UBAC2: variants seen among roughly 807,000 people sequenced by gnomAD.
UBAC2 encodes ubiquitin-associated domain-containing protein 2.
UBAC2 carries 26 observed loss-of-function variants against 44.0 expected under a neutral mutation model. That is an observed-to-expected ratio of 0.59 (90% CI 0.43 to 0.82). UBAC2 has a LOEUF of 0.82. Ranked by LOEUF, UBAC2 falls within the 40% of genes least tolerant of loss-of-function variation. The pLI, the probability that UBAC2 is intolerant of heterozygous loss-of-function variation, is 0.00. For synonymous variants in UBAC2, 155 were observed against 154.3 expected, an observed-to-expected ratio of 1.00 and a Z score of -0.04; for missense variants, 329 against 419.4, an observed-to-expected ratio of 0.78 and a Z score of 1.88.
chr13:99,292,046 C>T (rs1028208728), intron 4 of UBAC2, among the ~76,000 whole-genome samples: 1 of 152,012 alleles, frequency 6.6e-6, no homozygotes, highest in African/African-American at 2.4e-5. Context: ...ATAAAGCAGT[C>T]GAGGCTTCTA....
At chr13:99,204,012 A>C (rs2042837995) in intron 1 of UBAC2, among the ~76,000 whole-genome samples, 1 of 152,214 alleles carries the variant, frequency 6.6e-6, no homozygotes, top group South Asian at 2.1e-4. Flanking sequence ...TAGGTTCCTT[A>C]CTTGTAGACC....
intron 8 of UBAC2, 112 bp from the exon 9 acceptor site, chr13:99,385,116 T>G (rs1277537501): frequency 6.4e-6 from 5 of 777,414 alleles, no homozygotes; most frequent in Non-Finnish European, 1.1e-5. Context: ...AAATTGGTTT[T>G]TTTGTAAACA....
At chr13:99,243,233 C>CTTTTTTTTTTTTTT (rs773750160) in intron 2 of UBAC2, among the ~76,000 whole-genome samples, 2 of 94,254 alleles carry the variant, frequency 2.1e-5, no homozygotes, top group African/African-American at 4.2e-5. Flanking sequence ...TTGAGTAGCT[C>CTTTTTTTTTTTTTT]TTTTTTTTTT....
rs898983542 is a variant in UBAC2 at position 99,283,799 on chromosome 13, A to G, written c.390-30298A>G. 3.1e-5 allele frequency among the ~76,000 whole-genome samples: 4 copies of G among 127,078 alleles called. 1 individual carries two copies. In the Admixed American group the frequency reaches 4.5e-4, roughly 14 times the overall value. The allele number at this position is 127,078 out of a possible 152,430, so 83.4% of individuals were successfully genotyped here. The stretch of plus-strand genomic sequence containing the variant: ...ACCCAGGCCAGAGTGCAGTGGTGCT[A>G]TCTCGGCTCACTGCAGCCTCTGCCT... On this transcript the variant is annotated intron_variant, in intron 4 of 8. Coordinates refer to ENST00000403766, the MANE Select transcript of UBAC2 (RefSeq NM_001144072.2).
intron 8 of UBAC2, 34 bp downstream of exon 8, chr13:99,367,940 A>G: frequency 6.3e-7 from 1 of 1,598,044 alleles, no homozygotes; most frequent in Non-Finnish European, 8.5e-7. Context: ...ACTCATTCTA[A>G]ATCCATGTTT....
chr13:99,269,287 A>T (rs551447795), intron 4 of UBAC2, among the ~76,000 whole-genome samples: 1 of 152,228 alleles, frequency 6.6e-6, no homozygotes, highest in East Asian at 1.9e-4. Flanking sequence ...CTTTATTGTG[A>T]GATTCATAAG....
chr13:99,305,731 A>G (rs2044323165), intron 4 of UBAC2, among the ~76,000 whole-genome samples: 1 of 152,210 alleles, frequency 6.6e-6, no homozygotes, highest in Non-Finnish European at 1.5e-5. Flanking sequence ...ATACATAAAC[A>G]TGTGAGTGAA....
intron 1 of UBAC2, among the ~76,000 whole-genome samples, chr13:99,210,759 G>C (rs1462914451): frequency 6.6e-6 from 1 of 152,096 alleles, no homozygotes; most frequent in Non-Finnish European, 1.5e-5. Flanking sequence ...TTACAGGCTT[G>C]AACCACCACG....
intron 1 of UBAC2, among the ~76,000 whole-genome samples, chr13:99,206,867 C>A (rs2042878734): frequency 6.6e-6 from 1 of 152,246 alleles, no homozygotes; most frequent in Non-Finnish European, 1.5e-5. Flanking sequence ...AAATCGGGGC[C>A]ATCACCTGGG....
intron 8 of UBAC2, among the ~76,000 whole-genome samples, chr13:99,375,306 A>C (rs2045464949): frequency 6.8e-6 from 1 of 146,230 alleles, no homozygotes; most frequent in African/African-American, 2.5e-5. Context: ...AGTTCTCCCA[A>C]GGAAGAGAGT....
chr13:99,329,060 G>A (rs2044678471), intron 6 of UBAC2, among the ~76,000 whole-genome samples: 1 of 152,152 alleles, frequency 6.6e-6, no homozygotes, highest in South Asian at 2.1e-4. Context: ...TTATTGAAAA[G>A]ACCCTTTTCT....
At chr13:99,202,730 G>C (rs1210884986) in intron 1 of UBAC2, among the ~76,000 whole-genome samples, 1 of 152,186 alleles carries the variant, frequency 6.6e-6, no homozygotes, top group Non-Finnish European at 1.5e-5. Flanking sequence ...GTCTTGGCCT[G>C]TTTCTAAAAT....
intron 4 of UBAC2, among the ~76,000 whole-genome samples, chr13:99,258,866 A>G (rs1402691658): frequency 6.6e-6 from 1 of 152,190 alleles, no homozygotes; most frequent in Non-Finnish European, 1.5e-5. Context: ...AAATCATAGA[A>G]TATCCACATT....
chr13:99,373,580 G>A (rs1212042134), intron 8 of UBAC2, among the ~76,000 whole-genome samples: 1 of 152,212 alleles, frequency 6.6e-6, no homozygotes, highest in Non-Finnish European at 1.5e-5. Context: ...CAGGGAAACA[G>A]GTGGACAAAG....
intron 4 of UBAC2, among the ~76,000 whole-genome samples, chr13:99,268,632 AAAG>A (rs71203425): frequency 2.8e-4 from 40 of 141,656 alleles, no homozygotes; most frequent in African/African-American, 9.7e-4. Context: ...AAAAAAAAAA[AAAG>A]AAACACAAAA....
intron 6 of UBAC2, among the ~76,000 whole-genome samples, chr13:99,334,632 T>C (rs935224722): frequency 1.3e-5 from 2 of 151,794 alleles, no homozygotes; most frequent in African/African-American, 4.8e-5. Flanking sequence ...AGGGCAAATA[T>C]GAGGGGGAAA....
chr13:99,315,124 C>T (rs1048127872), intron 5 of UBAC2, among the ~76,000 whole-genome samples: 3 of 152,132 alleles, frequency 2.0e-5, no homozygotes, highest in Non-Finnish European at 2.9e-5. Context: ...TCATCTGGGG[C>T]GTTTTCTTAC....
At chr13:99,232,602 A>G (rs1015257152) in intron 1 of UBAC2, among the ~76,000 whole-genome samples, 3 of 152,036 alleles carry the variant, frequency 2.0e-5, no homozygotes, top group Non-Finnish European at 2.9e-5. Context: ...TAAGAGAGAA[A>G]CGACAGAAAT....
intron 1 of UBAC2, among the ~76,000 whole-genome samples, chr13:99,201,886 A>G (rs1372674908): frequency 6.6e-6 from 1 of 151,972 alleles, no homozygotes; most frequent in East Asian, 1.9e-4. Flanking sequence ...CCTGGCTAAC[A>G]CGGTGAAACC....
Sources: gnomAD v4.1 joint callset for allele counts (sites outside exome capture counted in the v4.1 genomes callset) on GRCh38, gnomAD v4.1.1 for gene constraint, MANE v1.5 for transcripts, NCBI Gene and HGNC (gene_info 2026-07-23, HGNC 2026-07-21) for gene names.